TAFA1: variants seen among roughly 807,000 people sequenced by gnomAD.
The protein encoded by TAFA1 is chemokine-like protein TAFA-1.
Under a neutral mutation model 18.5 loss-of-function variants are expected in TAFA1, and 4 were observed. That is an observed-to-expected ratio of 0.22 (90% CI 0.11 to 0.49). The LOEUF is 0.49. TAFA1 is among the 20% of genes least tolerant of loss of function. The probability of loss-of-function intolerance (pLI) is 0.98; values close to 1 mark genes in which losing one functional copy is unlikely to be tolerated. For missense variants in TAFA1, 147 were observed against 169.0 expected (o/e 0.87, Z 0.72); for synonymous variants, 56 against 55.2 (o/e 1.01, Z -0.06).
At chr3:68,112,713 A>C (rs867519375) in intron 2 of TAFA1, among the ~76,000 whole-genome samples, 5 of 152,260 alleles carry the variant, frequency 3.3e-5, no homozygotes, top group Non-Finnish European at 4.4e-5. Flanking sequence ...AATAATTAAT[A>C]GGTGATATTA....
chr3:68,352,041 A>C (rs1330789670), intron 2 of TAFA1, among the ~76,000 whole-genome samples: 1 of 151,996 alleles, frequency 6.6e-6, no homozygotes, highest in African/African-American at 2.4e-5. Flanking sequence ...AGGAATAGAG[A>C]TGTATAATCG....
chr3:68,502,835 T>C (rs1378823108), intron 3 of TAFA1, among the ~76,000 whole-genome samples: 1 of 152,128 alleles, frequency 6.6e-6, no homozygotes, highest in African/African-American at 2.4e-5. Flanking sequence ...TATTCTAAGA[T>C]TCTAAAGTAT....
intron 2 of TAFA1, among the ~76,000 whole-genome samples, chr3:68,279,651 C>T (rs2067862758): frequency 6.6e-6 from 1 of 151,994 alleles, no homozygotes; most frequent in Non-Finnish European, 1.5e-5. Context: ...AACATTTGCT[C>T]AAGAGGAAAT....
intron 2 of TAFA1, among the ~76,000 whole-genome samples, chr3:68,343,053 T>C (rs1030234768): frequency 1.3e-5 from 2 of 152,196 alleles, no homozygotes; most frequent in African/African-American, 4.8e-5. Flanking sequence ...TGAGGATCTA[T>C]AGATTGATTA....
chr3:68,159,861 C>T (rs967165739), intron 2 of TAFA1, among the ~76,000 whole-genome samples: 14 of 152,308 alleles, frequency 9.2e-5, no homozygotes, highest in Admixed American at 4.6e-4. Flanking sequence ...ACTATATAGT[C>T]ACCCCTTTTA....
chr3:68,526,019 C>A (rs2073107071), intron 3 of TAFA1, among the ~76,000 whole-genome samples: 1 of 152,090 alleles, frequency 6.6e-6, no homozygotes, highest in East Asian at 1.9e-4. Context: ...ATAAGAGAAA[C>A]AATGTATCTC....
At chr3:68,253,334 C>A (rs759650511) in intron 2 of TAFA1, among the ~76,000 whole-genome samples, 1 of 152,116 alleles carries the variant, frequency 6.6e-6, no homozygotes, top group Non-Finnish European at 1.5e-5. Flanking sequence ...CTTGCCCTTG[C>A]GTACTTTAAT....
chr3:68,126,001 C>A (rs547407537), intron 2 of TAFA1, among the ~76,000 whole-genome samples: 76 of 152,276 alleles, frequency 5.0e-4, no homozygotes, highest in African/African-American at 1.8e-3. Flanking sequence ...CTGACGCCTG[C>A]AACAGAGGCC....
At chr3:68,203,977 C>G (rs1332840453) in intron 2 of TAFA1, among the ~76,000 whole-genome samples, 1 of 149,870 alleles carries the variant, frequency 6.7e-6, no homozygotes, top group Non-Finnish European at 1.5e-5. Context: ...TGACCACATC[C>G]CCTTGTAGTT....
At chr3:68,392,102 A>G (rs537295055) in intron 2 of TAFA1, among the ~76,000 whole-genome samples, 47 of 149,490 alleles carry the variant, frequency 3.1e-4, no homozygotes, top group Non-Finnish European at 4.5e-4. Context: ...AGTGTGCTGT[A>G]TTCAGGAGTC....
intron 3 of TAFA1, among the ~76,000 whole-genome samples, chr3:68,464,278 A>T (rs1432071874): frequency 6.6e-6 from 1 of 152,202 alleles, no homozygotes; most frequent in East Asian, 1.9e-4. Context: ...ATGAAAATGC[A>T]AAAAGAATAT....
intron 2 of TAFA1, among the ~76,000 whole-genome samples, chr3:68,085,021 C>T (rs1283806858): frequency 6.6e-6 from 1 of 152,108 alleles, no homozygotes; most frequent in Non-Finnish European, 1.5e-5. Context: ...GTTATCCATG[C>T]ATCAGTAGCA....
chr3:68,511,042 T>A (rs560500054), intron 3 of TAFA1, among the ~76,000 whole-genome samples: 9 of 152,296 alleles, frequency 5.9e-5, no homozygotes, highest in African/African-American at 2.2e-4. Flanking sequence ...GTATTGATTT[T>A]CCAGAGTATA....
At chr3:68,209,655 G>A (rs915644896) in intron 2 of TAFA1, among the ~76,000 whole-genome samples, 3 of 152,016 alleles carry the variant, frequency 2.0e-5, no homozygotes, top group African/African-American at 4.8e-5. Flanking sequence ...CAAAATTGCA[G>A]TCATAGGTTT....
chr3:68,282,343 A>G (rs150104776), intron 2 of TAFA1, among the ~76,000 whole-genome samples: 2 of 152,286 alleles, frequency 1.3e-5, no homozygotes, highest in African/African-American at 4.8e-5. Flanking sequence ...CGGATCAGGC[A>G]CTGTTCTGAG....
At chr3:68,228,417 G>C (rs1356064866) in intron 2 of TAFA1, among the ~76,000 whole-genome samples, 1 of 152,104 alleles carries the variant, frequency 6.6e-6, no homozygotes. Flanking sequence ...ATACCTGGCA[G>C]ACCTCTATAA....
chr3:68,224,042 G>A (rs1178461298), intron 2 of TAFA1, among the ~76,000 whole-genome samples: 1 of 151,022 alleles, frequency 6.6e-6, no homozygotes, highest in African/African-American at 2.4e-5. Context: ...AACCATGCAA[G>A]TAGAGGGAAA....
chr3:68,339,803 AC>A, intron 2 of TAFA1, among the ~76,000 whole-genome samples: 1 of 152,284 alleles, frequency 6.6e-6, no homozygotes, highest in South Asian at 2.1e-4. Context: ...ATGCTGGTAA[AC>A]CATCTCTAAA....
the TAFA1 span, among the ~76,000 whole-genome samples, chr3:67,996,862 T>C: frequency 6.6e-6 from 1 of 152,108 alleles, no homozygotes; most frequent in Admixed American, 6.6e-5. Flanking sequence ...ACTATGCTAC[T>C]TTGCCTAATT....
Sources: gnomAD v4.1 joint callset for allele counts (sites outside exome capture counted in the v4.1 genomes callset) on GRCh38, gnomAD v4.1.1 for gene constraint, MANE v1.5 for transcripts, NCBI Gene and HGNC (gene_info 2026-07-23, HGNC 2026-07-21) for gene names.